STAB2: variants seen among roughly 807,000 people sequenced by gnomAD.
STAB2 encodes stabilin-2.
A neutral mutation model predicts 338.1 loss-of-function variants in STAB2; 288 were observed. The observed-to-expected ratio is 0.85, with a 90% CI of 0.77 to 0.94. STAB2 has a LOEUF of 0.94. Ranked by LOEUF, STAB2 falls within the 40% of genes least tolerant of loss-of-function variation. The probability of loss-of-function intolerance (pLI) is 0.00; values close to 1 mark genes in which losing one functional copy is unlikely to be tolerated. For missense variants in STAB2, 3,141 were observed against 3,210.1 expected (o/e 0.98, Z 0.52); for synonymous variants, 1,202 against 1,193.3 (o/e 1.01, Z -0.15).
At chr12:103,599,743 T>C (rs1314972999) in intron 3 of STAB2, among the ~76,000 whole-genome samples, 3 of 152,220 alleles carry the variant, frequency 2.0e-5, no homozygotes, top group Admixed American at 6.5e-5. Context: ...CACACCCACC[T>C]TCCAAAGACT....
intron 5 of STAB2, among the ~76,000 whole-genome samples, chr12:103,626,000 C>T (rs1197835467): frequency 6.6e-6 from 1 of 152,128 alleles, no homozygotes; most frequent in Non-Finnish European, 1.5e-5. Flanking sequence ...TCCTATTTCT[C>T]CACATCCTCT....
At chr12:103,653,892 A>T (rs947910381) in intron 12 of STAB2, among the ~76,000 whole-genome samples, 7 of 146,394 alleles carry the variant, frequency 4.8e-5, no homozygotes, top group Non-Finnish European at 9.0e-5. Flanking sequence ...AGATGCATGG[A>T]GGATGCATGG....
intron 6 of STAB2, among the ~76,000 whole-genome samples, chr12:103,633,966 C>T (rs544186817): frequency 5.3e-5 from 8 of 152,120 alleles, no homozygotes; most frequent in African/African-American, 1.9e-4. Context: ...GAATTTACCC[C>T]GGGAGAGGAG....
intron 15 of STAB2, among the ~76,000 whole-genome samples, 199 bp downstream of exon 15, chr12:103,655,780 T>C (rs567848234): frequency 6.6e-6 from 1 of 152,294 alleles, no homozygotes; most frequent in Admixed American, 6.5e-5. Flanking sequence ...GTCTCTTCGA[T>C]AGAATTTCAA....
chr12:103,708,850 A>C (rs1181948666), intron 39 of STAB2, among the ~76,000 whole-genome samples: 1 of 151,914 alleles, frequency 6.6e-6, no homozygotes, highest in Non-Finnish European at 1.5e-5. Context: ...TCCACTTCAC[A>C]ATATATATAT....
intron 18 of STAB2, among the ~76,000 whole-genome samples, chr12:103,663,672 A>G (rs1164653653): frequency 2.0e-5 from 3 of 152,142 alleles, no homozygotes; most frequent in Non-Finnish European, 4.4e-5. Flanking sequence ...TTATAAGGAC[A>G]TCGATCATTA....
rs142359795 is a variant in STAB2 at position 103,655,703 on chromosome 12, C to G, written c.1734+122C>G. 2.9e-4 allele frequency: 352 copies of G among 1,205,492 alleles called. 4 individuals carry two copies. The East Asian group carries it at 8.7e-3, about 30-fold the overall frequency. 74.7% of individuals were successfully genotyped at this position (1,205,492 alleles called of 1,614,324 possible). A position where few individuals can be genotyped will look rare whatever the true frequency, so the allele number is the denominator to read the frequency against. On this transcript the variant is annotated intron_variant, in intron 15 of 68. Transcript: ENST00000388887. ...TTGTACATGTATCACCACCTACCCT[C>G]CAACAACCAAGGCAGGCATCACTAA...
intron 60 of STAB2, among the ~76,000 whole-genome samples, chr12:103,751,375 TGAG>T (rs1883633781): frequency 6.6e-6 from 1 of 152,086 alleles, no homozygotes; most frequent in African/African-American, 2.4e-5. Flanking sequence ...GGGTCTGTAC[TGAG>T]GAGTGAGATG....
At chr12:103,744,635 T>A (rs938790722) in intron 56 of STAB2, among the ~76,000 whole-genome samples, 18 of 151,618 alleles carry the variant, frequency 1.2e-4, no homozygotes, top group Non-Finnish European at 2.4e-4. Context: ...TCTGGCTAAT[T>A]TTTGTTTGTT....
At chr12:103,682,777 G>A (rs984810872) in intron 25 of STAB2, among the ~76,000 whole-genome samples, 4 of 152,034 alleles carry the variant, frequency 2.6e-5, no homozygotes, top group African/African-American at 7.2e-5. Context: ...GTGAAACCCC[G>A]TCTGTACTAA....
chr12:103,735,629 G>A lies in STAB2; in HGVS notation c.5550+49G>A, dbSNP rs777980379. The A allele has an allele frequency of 2.9e-5, 38 of 1,299,928 alleles. No individual in the cohort carries two copies. In the South Asian group the frequency reaches 4.8e-4, roughly 16 times the overall value. The allele number at this position is 1,299,928 out of a possible 1,614,324, so 80.5% of individuals were successfully genotyped here. On this transcript the variant is annotated intron_variant, in intron 52 of 68. Coordinates refer to ENST00000388887, the MANE Select transcript of STAB2 (RefSeq NM_017564.10). ...GCAGGGAGGGGTTAACACATTCACA[G>A]CAAGCTATTCCCCAACAACTGCCCC...
At chr12:103,749,785 A>C (rs1457484413) in intron 59 of STAB2, among the ~76,000 whole-genome samples, 2 of 133,988 alleles carry the variant, frequency 1.5e-5, no homozygotes, top group Non-Finnish European at 3.1e-5. Flanking sequence ...GCTTGCAGTG[A>C]GCCGAGATCG....
chr12:103,645,406 A>T (rs971985846), intron 9 of STAB2, among the ~76,000 whole-genome samples: 1 of 152,244 alleles, frequency 6.6e-6, no homozygotes, highest in African/African-American at 2.4e-5. Context: ...TGCAATCCTT[A>T]GGAAAGAAAG....
intron 31 of STAB2, among the ~76,000 whole-genome samples, chr12:103,693,988 TAAA>T (rs540825862): frequency 7.3e-6 from 1 of 136,334 alleles, no homozygotes; most frequent in Non-Finnish European, 1.6e-5. Flanking sequence ...CCCTCTCTAC[TAAA>T]AAAAAAAAAA....
intron 3 of STAB2, among the ~76,000 whole-genome samples, chr12:103,618,479 C>T (rs1346598450): frequency 6.6e-6 from 1 of 152,202 alleles, no homozygotes; most frequent in Non-Finnish European, 1.5e-5. Context: ...CCTGAATTGA[C>T]TAAGACAACT....
At chr12:103,662,017 T>C (rs1874666705) in intron 17 of STAB2, among the ~76,000 whole-genome samples, 1 of 152,040 alleles carries the variant, frequency 6.6e-6, no homozygotes, top group Non-Finnish European at 1.5e-5. Flanking sequence ...GGCATACATT[T>C]TGAGAGGCTG....
chr12:103,705,556 A>AC lies in STAB2; in HGVS notation c.3901-73dup, dbSNP rs565362803. 8.9e-5 allele frequency: 109 copies of AC among 1,221,732 alleles called. 1 individual carries two copies. The African/African-American group carries it at 1.6e-3, about 17-fold the overall frequency. 75.7% of individuals were successfully genotyped at this position (1,221,732 alleles called of 1,614,324 possible). A position where few individuals can be genotyped will look rare whatever the true frequency, so the allele number is the denominator to read the frequency against. On this transcript the variant is annotated intron_variant, in intron 36 of 68. Coordinates refer to ENST00000388887, the MANE Select transcript of STAB2 (RefSeq NM_017564.10). Reference sequence around the variant, plus strand: ...TTAGTCAGAGAGACAGCAATGCATCACCCACCTACTTGCTTTCGGAGACTG... The same window carrying AC: ...TTAGTCAGAGAGACAGCAATGCATCACCCCACCTACTTGCTTTCGGAGACTG...
At position 103,587,574 on chromosome 12, in the gene STAB2, A is replaced by G. The variant is rs765814899; in HGVS notation, c.81+17A>G. On this transcript the variant is annotated intron_variant, in intron 1 of 68. Coordinates refer to ENST00000388887, the MANE Select transcript of STAB2 (RefSeq NM_017564.10). ...ACAGGGCAGGTAAGAGGAGACTTAC[A>G]TATTTTTTTCATTTGTTAATTGTCA... 155 of 1,605,422 alleles carry G rather than the reference A, an allele frequency of 9.7e-5. No individual in the cohort carries two copies. The highest frequency in any genetic ancestry group is 1.3e-4 in the Non-Finnish European group (152 of 1,172,842).
At chr12:103,722,168 A>G (rs1344321059) in intron 44 of STAB2, among the ~76,000 whole-genome samples, 1 of 152,188 alleles carries the variant, frequency 6.6e-6, no homozygotes, top group Non-Finnish European at 1.5e-5. Flanking sequence ...AGGTAGAGGC[A>G]AAGACGGGGC....
Sources: gnomAD v4.1 joint callset for allele counts (sites outside exome capture counted in the v4.1 genomes callset) on GRCh38, gnomAD v4.1.1 for gene constraint, MANE v1.5 for transcripts, NCBI Gene and HGNC (gene_info 2026-07-23, HGNC 2026-07-21) for gene names.